The following REEP3 variants were observed in gnomAD, a reference collection of about 807,000 sequenced individuals.
The protein encoded by REEP3 is receptor expression-enhancing protein 3.
In REEP3, 20 loss-of-function variants were observed where a neutral mutation model predicts 41.3. The ratio of observed to expected loss-of-function variants is 0.48; its 90% CI spans 0.34 to 0.70. The LOEUF (loss-of-function observed/expected upper bound fraction) is 0.70. REEP3 is among the 30% of genes least tolerant of loss of function. The pLI is 0.01. For missense variants in REEP3, 271 were observed against 308.8 expected (o/e 0.88, Z 0.92); for synonymous variants, 104 against 101.8 (o/e 1.02, Z -0.13).
intron 1 of REEP3, among the ~76,000 whole-genome samples, chr10:63,539,295 A>G (rs1014420160): frequency 7.9e-5 from 12 of 152,204 alleles, no homozygotes; most frequent in African/African-American, 2.2e-4. Flanking sequence ...TGTCAAACCA[A>G]TCCTAAAACT....
At chr10:63,554,026 C>T (rs576158263) in intron 1 of REEP3, among the ~76,000 whole-genome samples, 1 of 150,956 alleles carries the variant, frequency 6.6e-6, no homozygotes, top group Non-Finnish European at 1.5e-5. Context: ...GGCGTGAACC[C>T]GGGAGGCAGA....
At chr10:63,571,999 T>G (rs1445363172) in intron 2 of REEP3, among the ~76,000 whole-genome samples, 1 of 152,166 alleles carries the variant, frequency 6.6e-6, no homozygotes, top group Non-Finnish European at 1.5e-5. Context: ...TGCATCTGAT[T>G]AATTCAAAGC....
In REEP3 at chr10:63,529,247, A is replaced by C. The variant is rs953015056; in HGVS notation, c.32+7670A>C. Among the ~76,000 whole-genome samples, 4 of 152,352 alleles carry C rather than the reference A, an allele frequency of 2.6e-5. No homozygotes were observed. In the South Asian group the frequency reaches 8.3e-4, roughly 32 times the overall value. On this transcript the variant is annotated intron_variant, in intron 1 of 7. Transcript: ENST00000373758. ...TTGAATAAAGTTTTTTTCACTAATGAGCCTCTTTCCAGACACACTTATTCC... is the reference window on the plus strand; with the variant it reads ...TTGAATAAAGTTTTTTTCACTAATGCGCCTCTTTCCAGACACACTTATTCC...
chr10:63,584,430 T>A (rs78466886), intron 2 of REEP3, among the ~76,000 whole-genome samples: 1,828 of 129,220 alleles, frequency 0.014, 27 homozygotes, highest in Admixed American at 0.037. Context: ...CCCATCTTTT[T>A]AAAAAAAAAA....
chr10:63,599,698 T>C, intron 5 of REEP3: 33 of 984,684 alleles, frequency 3.4e-5, no homozygotes, highest in Non-Finnish European at 3.6e-5. Context: ...GCACCTCTAC[T>C]TCAATCAATT....
chr10:63,607,247 T>C (rs1348318266), intron 5 of REEP3, among the ~76,000 whole-genome samples: 1 of 152,220 alleles, frequency 6.6e-6, no homozygotes, highest in Admixed American at 6.5e-5. Flanking sequence ...TAATAATGGC[T>C]GTTAAAGTGT....
intron 1 of REEP3, among the ~76,000 whole-genome samples, chr10:63,556,655 A>G (rs1216177023): frequency 1.5e-5 from 1 of 67,430 alleles, no homozygotes; most frequent in Non-Finnish European, 2.5e-5. Flanking sequence ...TTTTTTTTTG[A>G]GACGGAGTCT....
intron 4 of REEP3, 140 bp from the exon 5 acceptor site, chr10:63,599,025 AAAAAG>A (rs749591271): frequency 6.6e-5 from 36 of 549,262 alleles, no homozygotes; most frequent in Middle Eastern, 5.7e-4. Flanking sequence ...CTCTCTCAAA[AAAAAG>A]AAAAGAAAAG....
intron 1 of REEP3, among the ~76,000 whole-genome samples, chr10:63,540,836 T>G (rs1955521190): frequency 6.6e-6 from 1 of 152,176 alleles, no homozygotes; most frequent in African/African-American, 2.4e-5. Context: ...TCCTCCCACC[T>G]CAGCCTCCCA....
chr10:63,534,486 G>A (rs1278361777), intron 1 of REEP3, among the ~76,000 whole-genome samples: 2 of 152,190 alleles, frequency 1.3e-5, no homozygotes, highest in Non-Finnish European at 2.9e-5. Context: ...CTGGCCTCAA[G>A]TGATCCTCCT....
intron 2 of REEP3, among the ~76,000 whole-genome samples, chr10:63,567,679 C>T (rs1392284125): frequency 6.6e-6 from 1 of 152,038 alleles, no homozygotes; most frequent in Non-Finnish European, 1.5e-5. Context: ...TGAGCACCTG[C>T]GTTTGATTCT....
chr10:63,579,044 G>GT (rs928614961), intron 2 of REEP3, among the ~76,000 whole-genome samples: 6 of 147,100 alleles, frequency 4.1e-5, no homozygotes, highest in African/African-American at 5.0e-5. Flanking sequence ...TTTTTTTTGG[G>GT]GGGGGGGAGA....
At chr10:63,571,671 A>G (rs1013781943) in intron 2 of REEP3, among the ~76,000 whole-genome samples, 49 of 152,222 alleles carry the variant, frequency 3.2e-4, no homozygotes, top group Admixed American at 1.2e-3. Context: ...GTAACCTAAC[A>G]TACTCAGTTT....
At chr10:63,537,517 A>C (rs192712376) in intron 1 of REEP3, among the ~76,000 whole-genome samples, 1 of 152,202 alleles carries the variant, frequency 6.6e-6, no homozygotes, top group East Asian at 1.9e-4. Flanking sequence ...TGTGTGCTTC[A>C]TAACTTAGAA....
At chr10:63,611,217 T>C (rs1315663922) in intron 6 of REEP3, among the ~76,000 whole-genome samples, 2 of 152,238 alleles carry the variant, frequency 1.3e-5, no homozygotes, top group African/African-American at 4.8e-5. Context: ...TTCTAACCTG[T>C]AATCAATACT....
At chr10:63,610,654 A>G (rs976378921) in intron 6 of REEP3, among the ~76,000 whole-genome samples, 12 of 152,186 alleles carry the variant, frequency 7.9e-5, no homozygotes, top group Non-Finnish European at 1.8e-4. Context: ...AATACATGAT[A>G]CATGATAACT....
rs181366594 is a variant in REEP3 at position 63,576,347 on chromosome 10, T to C, written c.105+9937T>C. Among the ~76,000 whole-genome samples the C allele has an allele frequency of 3.5e-4, 53 of 152,312 alleles. No homozygotes were observed. In the East Asian group the frequency reaches 9.8e-3, roughly 28 times the overall value. ...ACAATTTCTGGAGGCTTGAAGTCCT[T>C]AATTTCATAATCAAGATGTTGACTG... On this transcript the variant is annotated intron_variant, in intron 2 of 7. Coordinates refer to ENST00000373758, the MANE Select transcript of REEP3 (RefSeq NM_001001330.3).
intron 2 of REEP3, among the ~76,000 whole-genome samples, chr10:63,582,903 GA>G (rs1955968139): frequency 6.6e-6 from 1 of 152,158 alleles, no homozygotes; most frequent in African/African-American, 2.4e-5. Flanking sequence ...CTGTGTGGTT[GA>G]TTGCACATGC....
chr10:63,551,895 A>T (rs1955631972), intron 1 of REEP3, among the ~76,000 whole-genome samples: 1 of 152,330 alleles, frequency 6.6e-6, no homozygotes, highest in East Asian at 1.9e-4. Flanking sequence ...CAAATGTGTC[A>T]TACCAATGTA....
Sources: gnomAD v4.1 joint callset for allele counts (sites outside exome capture counted in the v4.1 genomes callset) on GRCh38, gnomAD v4.1.1 for gene constraint, MANE v1.5 for transcripts, NCBI Gene and HGNC (gene_info 2026-07-23, HGNC 2026-07-21) for gene names.